CACNA1C: variants seen among roughly 807,000 people sequenced by gnomAD.
CACNA1C encodes voltage-dependent L-type calcium channel subunit alpha-1C.
In CACNA1C, 30 loss-of-function variants were observed where a neutral mutation model predicts 229.0. That is an observed-to-expected ratio of 0.13 (90% CI 0.10 to 0.18). The LOEUF (loss-of-function observed/expected upper bound fraction) is 0.18, where lower values mean the gene tolerates loss of function less well. CACNA1C is among the 10% of genes least tolerant of loss of function. CACNA1C has a pLI of 1.00. For synonymous variants in CACNA1C, 1,114 were observed against 1,132.5 expected, an observed-to-expected ratio of 0.98 and a Z score of 0.33; for missense variants, 1,658 against 2,845.0, an observed-to-expected ratio of 0.58 and a Z score of 9.49.
chr12:2,180,864 T>C (rs908996078), intron 3 of CACNA1C, among the ~76,000 whole-genome samples: 6 of 152,230 alleles, frequency 3.9e-5, no homozygotes, highest in Middle Eastern at 3.2e-3. Context: ...GGCACAGAGC[T>C]GAGTGCAGAG....
rs2095837064 is a variant in CACNA1C at position 2,319,032 on chromosome 12, TCC to T, written c.478-129943_478-129942del. ...CTCCTTTTCTGACAATAGTGGTGTT[TCC>T]AAGGACCAATCTTTACTCTCCAGAG... On this transcript the variant is annotated intron_variant, in intron 3 of 46. Coordinates refer to ENST00000399655, the MANE Select transcript of CACNA1C (RefSeq NM_000719.7). This position sits in a 1 kb window ranked among gnomAD's most constrained non-coding sequence, Gnocchi z 4.0. 6.6e-6 allele frequency among the ~76,000 whole-genome samples: 1 copy of T among 151,958 alleles called. No homozygotes were observed. The highest frequency in any genetic ancestry group is 2.4e-5 in the African/African-American group (1 of 41,348).
chr12:2,217,083 A>G (rs1428522991), intron 3 of CACNA1C, among the ~76,000 whole-genome samples: 1 of 152,252 alleles, frequency 6.6e-6, no homozygotes, highest in Non-Finnish European at 1.5e-5. Context: ...CTTAAAAAGG[A>G]AGGAGATCCT....
At position 2,557,064 on chromosome 12, in the gene CACNA1C, C is replaced by A. The variant is rs1274708871; in HGVS notation, c.1508+87C>A. The A allele has an allele frequency of 1.1e-5, 12 of 1,071,810 alleles. No individual in the cohort carries two copies. In the East Asian group the frequency reaches 2.8e-4, roughly 25 times the overall value. The allele number at this position is 1,071,810 out of a possible 1,614,324, so 66.4% of individuals were successfully genotyped here. ...GTTGGGTGGCCCAAGGTAATACCTA[C>A]AAGTTGCCAGTAGTGTAAGGGCTGT... On this transcript the variant is annotated intron_variant, in intron 11 of 46. Coordinates refer to ENST00000399655, the MANE Select transcript of CACNA1C (RefSeq NM_000719.7).
intron 3 of CACNA1C, among the ~76,000 whole-genome samples, chr12:2,129,066 C>A (rs933477283): frequency 6.6e-6 from 1 of 152,220 alleles, no homozygotes; most frequent in Non-Finnish European, 1.5e-5. Flanking sequence ...CATCACCTTT[C>A]CCACTCATAC....
intron 9 of CACNA1C, among the ~76,000 whole-genome samples, chr12:2,536,801 C>T (rs762937485): frequency 3.9e-5 from 6 of 152,046 alleles, no homozygotes; most frequent in Admixed American, 3.9e-4. Context: ...TACACTCCAG[C>T]CTGGGCAACA....
At position 2,569,954 on chromosome 12, in the gene CACNA1C, G is replaced by A. The variant is rs535463295; in HGVS notation, c.1895+2160G>A. Reference sequence around the variant, plus strand: ...ATTTCTTCACATTCTCACAAGCATCGTTTTTAAAGAAAGAATGAAATAGAA... The same window carrying A: ...ATTTCTTCACATTCTCACAAGCATCATTTTTAAAGAAAGAATGAAATAGAA... On this transcript the variant is annotated intron_variant, in intron 13 of 46. Coordinates refer to ENST00000399655, the MANE Select transcript of CACNA1C (RefSeq NM_000719.7). 5.3e-5 allele frequency among the ~76,000 whole-genome samples: 8 copies of A among 152,276 alleles called. No individual in the cohort carries two copies. The South Asian group carries it at 6.2e-4, about 12-fold the overall frequency.
chr12:2,142,160 C>T (rs1309397238), intron 3 of CACNA1C, among the ~76,000 whole-genome samples: 3 of 151,214 alleles, frequency 2.0e-5, no homozygotes, highest in Non-Finnish European at 3.0e-5. Context: ...GCCTTACACA[C>T]GTCACCTCCC....
chr12:2,375,121 G>A (rs2098007314), intron 3 of CACNA1C, among the ~76,000 whole-genome samples: 1 of 152,222 alleles, frequency 6.6e-6, no homozygotes, highest in South Asian at 2.1e-4. Context: ...GGAAAGTCAG[G>A]GTTGGAACAT....
At chr12:2,204,752 A>G (rs1297187125) in intron 3 of CACNA1C, among the ~76,000 whole-genome samples, 1 of 119,938 alleles carries the variant, frequency 8.3e-6, no homozygotes, top group African/African-American at 3.0e-5. Flanking sequence ...GTGAGATCAC[A>G]TGGACACAGG....
At chr12:2,532,345 C>T (rs779758698) in intron 9 of CACNA1C, among the ~76,000 whole-genome samples, 1 of 152,138 alleles carries the variant, frequency 6.6e-6, no homozygotes, top group African/African-American at 2.4e-5. Flanking sequence ...GCCTCTCTCC[C>T]TCCCACCCCT....
At chr12:2,584,394 G>A (rs962715509) in intron 15 of CACNA1C, 109 bp from the exon 16 acceptor site, 2 of 717,806 alleles carry the variant, frequency 2.8e-6, no homozygotes, top group Non-Finnish European at 4.9e-6. Context: ...TCCCCCTCAA[G>A]CTCTCTCTGC....
intron 38 of CACNA1C, among the ~76,000 whole-genome samples, chr12:2,674,137 C>A (rs372331108): frequency 6.6e-6 from 1 of 152,258 alleles, no homozygotes; most frequent in East Asian, 1.9e-4. Flanking sequence ...CCATGGGGAC[C>A]AGCCCCCCAC....
intron 1 of CACNA1C, among the ~76,000 whole-genome samples, chr12:2,068,853 A>G (rs2060274020): frequency 6.6e-6 from 1 of 152,218 alleles, no homozygotes; most frequent in African/African-American, 2.4e-5. Flanking sequence ...TCTGGGCAAC[A>G]AAAGGCTTTG....
At chr12:2,362,157 G>C (rs1443015111) in intron 3 of CACNA1C, among the ~76,000 whole-genome samples, 1 of 152,214 alleles carries the variant, frequency 6.6e-6, no homozygotes. Context: ...CAGACACTGT[G>C]CTATGCGCTG....
intron 5 of CACNA1C, among the ~76,000 whole-genome samples, chr12:2,463,206 G>A (rs1186551542): frequency 1.3e-5 from 2 of 152,228 alleles, no homozygotes; most frequent in Non-Finnish European, 2.9e-5. Context: ...ACCGCACCCG[G>A]CCTAAAAGTT....
chr12:2,080,555 C>T (rs1308382020), intron 1 of CACNA1C, among the ~76,000 whole-genome samples: 10 of 150,138 alleles, frequency 6.7e-5, no homozygotes, highest in South Asian at 2.1e-4. Context: ...GAGCCAAGAT[C>T]GCGCCACTGC....
chr12:2,458,600 T>C (rs1050369974), intron 5 of CACNA1C, among the ~76,000 whole-genome samples: 1 of 152,184 alleles, frequency 6.6e-6, no homozygotes, highest in Non-Finnish European at 1.5e-5. Context: ...ACTCAAGACA[T>C]AGGAGACCCC....
rs758023477 is a variant in CACNA1C, at chr12:2,669,026, A to G, written c.4717A>G (p.Lys1573Glu). Residue 1573 changes from lysine (K) to glutamate (E), a missense_variant, in exon 38 of 47, where the codon AAA (lysine) becomes GAA (glutamate). Transcript: ENST00000399655. ...FALVRTALRI[K>E]TEGNLEQANE... is the part of the protein sequence containing the mutation. Reference sequence around the variant, plus strand: ...CCTGGTCAGGACGGCCCTGAGGATCAAAACAGAAGGTAAGGTCGCCCGTGG... The same window carrying G: ...CCTGGTCAGGACGGCCCTGAGGATCGAAACAGAAGGTAAGGTCGCCCGTGG... The G allele has an allele frequency of 6.2e-7, 1 of 1,611,850 alleles. No individual in the cohort carries two copies. Among genetic ancestry groups the G allele is most frequent in the Non-Finnish European group, 8.5e-7 (1 of 1,177,890 alleles).
chr12:2,156,057 G>C (rs1447342459), intron 3 of CACNA1C, among the ~76,000 whole-genome samples: 2 of 152,196 alleles, frequency 1.3e-5, no homozygotes, highest in East Asian at 3.9e-4. Flanking sequence ...AAGGTTGAGT[G>C]AAAGAAACAT....
Sources: gnomAD v4.1 joint callset for allele counts (sites outside exome capture counted in the v4.1 genomes callset) on GRCh38, gnomAD v4.1.1 for gene constraint, Gnocchi (gnomAD v3.1) non-coding constraint, MANE v1.5 for transcripts, NCBI Gene and HGNC (gene_info 2026-07-23, HGNC 2026-07-21) for gene names.